The following BRCC3 variants were observed in gnomAD, a reference collection of about 807,000 sequenced individuals.
BRCC3 encodes lys-63-specific deubiquitinase BRCC36.
In BRCC3, 15 loss-of-function variants were observed where a neutral mutation model predicts 28.0. The observed-to-expected ratio is 0.54, with a 90% confidence interval of 0.36 to 0.82. The LOEUF is 0.82. Ranked by LOEUF, BRCC3 falls within the 40% of genes least tolerant of loss-of-function variation. BRCC3 has a pLI of 0.01. For synonymous variants in BRCC3, 66 were observed against 80.3 expected, an observed-to-expected ratio of 0.82 and a Z score of 0.95; for missense variants, 109 against 225.9, an observed-to-expected ratio of 0.48 and a Z score of 3.32.
intron 7 of BRCC3, among the ~76,000 whole-genome samples, chrX:155,093,411 G>T (rs1385189725): frequency 9.1e-6 from 1 of 109,325 alleles, no homozygotes; most frequent in Admixed American, 9.6e-5. Flanking sequence ...ACTCTAAGAT[G>T]GCATCAGAAG....
chrX:155,105,122 C>T (rs1365356518), intron 7 of BRCC3, among the ~76,000 whole-genome samples: 2 of 112,008 alleles, frequency 1.8e-5, no homozygotes, highest in African/African-American at 6.5e-5. Context: ...TTTGTATAGA[C>T]TAAGATATGA....
chrX:155,075,265 A>ATTGT (rs1569560403), intron 3 of BRCC3, among the ~76,000 whole-genome samples: 3 of 51,743 alleles, frequency 5.8e-5, no homozygotes, highest in Admixed American at 2.0e-4. Context: ...TCCCTTCAAC[A>ATTGT]TCTGATAATG....
intron 10 of BRCC3, among the ~76,000 whole-genome samples, chrX:155,120,610 T>C (rs1264027265): frequency 2.7e-5 from 3 of 111,322 alleles, no homozygotes; most frequent in Non-Finnish European, 5.7e-5. Flanking sequence ...GTACCCCACC[T>C]CTATGCCCTC....
intron 5 of BRCC3, among the ~76,000 whole-genome samples, chrX:155,084,919 G>A (rs1267525964): frequency 3.6e-5 from 4 of 111,941 alleles, no homozygotes; most frequent in Admixed American, 9.4e-5. Flanking sequence ...GCAGTGGGCC[G>A]TGACTGCACC....
intron 5 of BRCC3, among the ~76,000 whole-genome samples, chrX:155,083,204 G>A: frequency 8.9e-6 from 1 of 112,534 alleles, no homozygotes; most frequent in Non-Finnish European, 1.9e-5. Context: ...ATGCCAATTT[G>A]TAATAATATC....
chrX:155,095,369 A>T (rs1396945771), intron 7 of BRCC3, among the ~76,000 whole-genome samples: 6 of 111,350 alleles, frequency 5.4e-5, no homozygotes, highest in African/African-American at 2.0e-4. Context: ...GGCAGGATCT[A>T]GGCTCACTGC....
chrX:155,084,585 G>A (rs1203288680), intron 5 of BRCC3, among the ~76,000 whole-genome samples: 39 of 111,774 alleles, frequency 3.5e-4, no homozygotes, highest in African/African-American at 1.1e-3. Flanking sequence ...GTATGGTCTT[G>A]ATCTCCTGAC....
intron 3 of BRCC3, among the ~76,000 whole-genome samples, chrX:155,075,121 A>C (rs1463883785): frequency 1.8e-5 from 2 of 112,355 alleles, no homozygotes; most frequent in African/African-American, 6.5e-5. Flanking sequence ...GATATTTTAC[A>C]TTCCTTTTTT....
intron 7 of BRCC3, among the ~76,000 whole-genome samples, chrX:155,091,363 C>G (rs1557295628): frequency 9.1e-6 from 1 of 110,150 alleles, no homozygotes; most frequent in African/African-American, 3.3e-5. Flanking sequence ...CCTCCACCTC[C>G]CGGGTTCATG....
chrX:155,081,970 A>G (rs1349041573), intron 5 of BRCC3, among the ~76,000 whole-genome samples: 1 of 111,995 alleles, frequency 8.9e-6, no homozygotes. Context: ...TAGTCCATAT[A>G]GAACATTTGT....
chrX:155,099,980 G>T, intron 7 of BRCC3, among the ~76,000 whole-genome samples: 1 of 111,399 alleles, frequency 9.0e-6, no homozygotes, highest in Admixed American at 9.6e-5. Context: ...TTTAGGAATT[G>T]TCCTTACTAA....
intron 5 of BRCC3, among the ~76,000 whole-genome samples, chrX:155,083,950 A>C (rs1279958807): frequency 1.8e-5 from 2 of 112,282 alleles, no homozygotes; most frequent in African/African-American, 6.5e-5. Flanking sequence ...TAAGCAGCAG[A>C]CCCAGTATCT....
intron 7 of BRCC3, among the ~76,000 whole-genome samples, chrX:155,098,229 A>G (rs2074223789): frequency 8.9e-6 from 1 of 111,849 alleles, no homozygotes; most frequent in Non-Finnish European, 1.9e-5. Flanking sequence ...CTGGGCCCAC[A>G]GGTTTTGATG....
chrX:155,073,167 A>T (rs1358592946), intron 2 of BRCC3, among the ~76,000 whole-genome samples: 1 of 112,031 alleles, frequency 8.9e-6, no homozygotes, highest in African/African-American at 3.3e-5. Flanking sequence ...TTTGTCCATT[A>T]TAACTTTATA....
intron 10 of BRCC3, among the ~76,000 whole-genome samples, chrX:155,120,435 TG>T (rs1290112093): frequency 8.9e-6 from 1 of 112,340 alleles, no homozygotes; most frequent in Non-Finnish European, 1.9e-5. Context: ...ATAAAATGTC[TG>T]GGGGGTATAT....
intron 7 of BRCC3, among the ~76,000 whole-genome samples, chrX:155,093,557 G>A (rs2074188297): frequency 9.6e-6 from 1 of 104,282 alleles, no homozygotes; most frequent in Non-Finnish European, 2.0e-5. Context: ...ATAGAATCCT[G>A]TCTCATGGAC....
intron 7 of BRCC3, among the ~76,000 whole-genome samples, chrX:155,101,295 T>C (rs1557296870): frequency 9.0e-6 from 1 of 111,449 alleles, no homozygotes; most frequent in Non-Finnish European, 1.9e-5. Flanking sequence ...ACTGCACCCT[T>C]TTATATCAGG....
chrX:155,103,082 G>T (rs1423461672), intron 7 of BRCC3, among the ~76,000 whole-genome samples: 8 of 112,071 alleles, frequency 7.1e-5, no homozygotes, highest in Non-Finnish European at 1.5e-4. Context: ...CTGTCTTCGA[G>T]TGATATTTTA....
At chrX:155,079,292 C>A (rs1232439870) in intron 5 of BRCC3, among the ~76,000 whole-genome samples, 2 of 111,361 alleles carry the variant, frequency 1.8e-5, no homozygotes, top group Admixed American at 1.9e-4. Context: ...GAGATCTTAC[C>A]CCCATTGTAC....
Sources: gnomAD v4.1 joint callset for allele counts (sites outside exome capture counted in the v4.1 genomes callset) on GRCh38, gnomAD v4.1.1 for gene constraint, MANE v1.5 for transcripts, NCBI Gene and HGNC (gene_info 2026-07-23, HGNC 2026-07-21) for gene names.